Variants in CFH observed in about 807,000 individuals in gnomAD.
CFH encodes complement factor H.
A neutral mutation model predicts 147.3 loss-of-function variants in CFH; 53 were observed. The observed-to-expected ratio is 0.36, with a 90% confidence interval of 0.29 to 0.45. The LOEUF (loss-of-function observed/expected upper bound fraction) is 0.45. Among genes scored for constraint, CFH ranks in the 20% least tolerant of loss-of-function variants. The pLI is 1.00. For synonymous variants in CFH, 536 were observed against 489.4 expected (o/e 1.10, Z -1.26); for missense variants, 1,380 against 1,498.0 (o/e 0.92, Z 1.30).
At chr1:196,697,749 C>T (rs1429849838) in intron 9 of CFH, among the ~76,000 whole-genome samples, 1 of 151,962 alleles carries the variant, frequency 6.6e-6, no homozygotes, top group Non-Finnish European at 1.5e-5. Context: ...AGACTTGGAA[C>T]CAACCCAAAT....
chr1:196,685,013 T>A (rs746122005), intron 6 of CFH, 51 bp from the exon 7 acceptor site: 3 of 1,377,248 alleles, frequency 2.2e-6, no homozygotes, highest in Admixed American at 1.7e-5. Context: ...AAATGATTAA[T>A]TTTAACGGAT....
At chr1:196,721,630 A>G (rs1253188728) in intron 11 of CFH, among the ~76,000 whole-genome samples, 2 of 151,962 alleles carry the variant, frequency 1.3e-5, no homozygotes, top group African/African-American at 4.8e-5. Flanking sequence ...TGTCCCTGCA[A>G]TCTGTCTAGT....
chr1:196,665,935 G>C (rs1165986100), intron 1 of CFH, among the ~76,000 whole-genome samples: 1 of 152,138 alleles, frequency 6.6e-6, no homozygotes, highest in Non-Finnish European at 1.5e-5. Flanking sequence ...AAGCCTGCCA[G>C]AGTGAGTTTC....
At chr1:196,743,386 T>A (rs571158496) in intron 19 of CFH, 66 bp from the exon 20 acceptor site, 1 of 1,587,348 alleles carries the variant, frequency 6.3e-7, no homozygotes, top group Admixed American at 1.7e-5. Context: ...TATTTGTAAC[T>A]GTTATCAGTT....
At chr1:196,688,588 G>C (rs575406207) in intron 7 of CFH, among the ~76,000 whole-genome samples, 1 of 151,952 alleles carries the variant, frequency 6.6e-6, no homozygotes, top group Non-Finnish European at 1.5e-5. Context: ...GCAATAAATA[G>C]GAAAGAGCCT....
At chr1:196,717,212 G>A (rs1224047395) in intron 11 of CFH, among the ~76,000 whole-genome samples, 5 of 152,036 alleles carry the variant, frequency 3.3e-5, no homozygotes, top group Non-Finnish European at 7.4e-5. Context: ...TCCACTGCTT[G>A]CTGGGCATGT....
Position 196,715,685 on chromosome 1 carries a change from G to T in CFH, c.1612G>T (p.Asp538Tyr), listed in dbSNP as rs778051521. 6.2e-7 allele frequency: 1 copy of T among 1,612,906 alleles called. No homozygotes were observed. Among genetic ancestry groups the T allele is most frequent in the Non-Finnish European group, 8.5e-7 (1 of 1,179,234 alleles). The change falls in exon 11 of 22, where the codon GAT (aspartate) becomes TAT (tyrosine). Residue 538 changes from aspartate to tyrosine, a missense_variant. Transcript: ENST00000367429. ...TGACACATTGGACTATGAATGCCAT[G>T]ATGGTTATGAAAGCAATACTGGAAG... ...LNDTLDYECHDGYESNTGSTT... is the reference protein window; with the variant it reads ...LNDTLDYECHYGYESNTGSTT...
intron 9 of CFH, among the ~76,000 whole-genome samples, chr1:196,711,690 T>C (rs1160702116): frequency 6.6e-6 from 1 of 152,100 alleles, no homozygotes; most frequent in Non-Finnish European, 1.5e-5. Flanking sequence ...GCTTCTGATG[T>C]CTCTACTACG....
chr1:196,679,616 T>C lies in CFH; in HGVS notation c.620-7T>C. Reference sequence around the variant, plus strand: ...AAACATTTTGGAATTTAATCCCTTTTATTTAGAAATTTCATGCAAATCCCC... The same window carrying C: ...AAACATTTTGGAATTTAATCCCTTTCATTTAGAAATTTCATGCAAATCCCC... On this transcript the variant is annotated splice_polypyrimidine_tract_variant and splice_region_variant and intron_variant, in intron 5 of 21. Transcript: ENST00000367429. The C allele has an allele frequency of 6.3e-7, 1 of 1,591,284 alleles. No homozygotes were observed. The highest frequency in any genetic ancestry group is 1.3e-5 in the African/African-American group (1 of 74,540).
intron 9 of CFH, among the ~76,000 whole-genome samples, chr1:196,698,765 A>C (rs907494217): frequency 6.6e-6 from 1 of 152,200 alleles, no homozygotes; most frequent in African/African-American, 2.4e-5. Flanking sequence ...TGGCAGAGAC[A>C]CAACAGAAAA....
At chr1:196,654,182 T>C (rs1383621874) in intron 1 of CFH, among the ~76,000 whole-genome samples, 2 of 152,108 alleles carry the variant, frequency 1.3e-5, no homozygotes, top group Non-Finnish European at 2.9e-5. Flanking sequence ...AGAAGATAGT[T>C]TGAATACTAT....
chr1:196,692,812 TTC>T (rs1219479132), intron 9 of CFH, among the ~76,000 whole-genome samples: 18 of 76,014 alleles, frequency 2.4e-4, no homozygotes, highest in East Asian at 5.7e-4. Flanking sequence ...CTTTCTTTCT[TTC>T]TTTCTTTCTC....
chr1:196,738,416 G>T (rs1332205979), intron 17 of CFH, among the ~76,000 whole-genome samples: 1 of 152,144 alleles, frequency 6.6e-6, no homozygotes, highest in African/African-American at 2.4e-5. Flanking sequence ...CTCTGCTTAT[G>T]AGCCTGTAAA....
intron 9 of CFH, among the ~76,000 whole-genome samples, chr1:196,706,646 A>G (rs1399370633): frequency 6.6e-6 from 1 of 152,232 alleles, no homozygotes; most frequent in African/African-American, 2.4e-5. Flanking sequence ...GACAGATATC[A>G]TCAAACACAT....
In CFH at chr1:196,677,608, A is replaced by T; in HGVS notation, c.560A>T (p.Asp187Val). 2 of 1,613,300 alleles carry T rather than the reference A, an allele frequency of 1.2e-6. No individual in the cohort carries two copies. The highest frequency in any genetic ancestry group is 1.7e-6 in the Non-Finnish European group (2 of 1,179,442). ...AACTCAGGCTACAAGATTGAAGGAG[A>T]TGAAGAAATGCATTGTTCAGACGAT... The part of the protein sequence containing the change: ...VCNSGYKIEG[D>V]EEMHCSDDGF... The change falls in exon 5 of 22, where the codon GAT (aspartate) becomes GTT (valine). Residue 187 changes from aspartate to valine, a missense_variant. This residue lies in a region of CFH where 260 missense variants were observed against 263.3 expected (regional missense o/e 0.99). Coordinates refer to ENST00000367429, the MANE Select transcript of CFH (RefSeq NM_000186.4).
intron 1 of CFH, among the ~76,000 whole-genome samples, chr1:196,666,696 C>T (rs188136360): frequency 1.3e-5 from 2 of 150,002 alleles, no homozygotes; most frequent in African/African-American, 4.9e-5. Flanking sequence ...CCTGTAGTTC[C>T]AGCTACTCAG....
At position 196,726,899 on chromosome 1, in the gene CFH, C is replaced by A; in HGVS notation, c.2195C>A (p.Thr732Lys). 6.2e-7 allele frequency: 1 copy of A among 1,613,638 alleles called. No individual in the cohort carries two copies. Among genetic ancestry groups the A allele is most frequent in the Non-Finnish European group, 8.5e-7 (1 of 1,179,682 alleles). The change falls in exon 14 of 22, where the codon ACG becomes AAG. Residue 732 changes from threonine to lysine, a missense_variant. Thr to Lys is a moderately conservative substitution (Grantham distance 78, BLOSUM62 -1). Coordinates refer to ENST00000367429, the MANE Select transcript of CFH (RefSeq NM_000186.4). The stretch of plus-strand genomic sequence containing the variant: ...ACAATGATTGGACACAGATCAATTA[C>A]GTGTATTCATGGAGTATGGACCCAA... ...SFTMIGHRSITCIHGVWTQLP... is the reference protein window; with the variant it reads ...SFTMIGHRSIKCIHGVWTQLP...
chr1:196,714,946 CT>C (rs1470083824), intron 10 of CFH, among the ~76,000 whole-genome samples: 1 of 151,416 alleles, frequency 6.6e-6, no homozygotes, highest in East Asian at 1.9e-4. Context: ...AATGATCCTC[CT>C]GCCTCTCAGT....
At chr1:196,683,726 A>C (rs1310513831) in intron 6 of CFH, among the ~76,000 whole-genome samples, 6 of 151,858 alleles carry the variant, frequency 4.0e-5, no homozygotes, top group African/African-American at 1.4e-4. Flanking sequence ...CTAAAGACTT[A>C]AATCAGTATA....
Sources: allele counts gnomAD v4.1 joint callset (sites outside exome capture counted in the v4.1 genomes callset), GRCh38; gene constraint gnomAD v4.1.1; regional missense constraint gnomAD v4.1.1; transcripts MANE v1.5; gene names NCBI Gene and HGNC (gene_info 2026-07-23, HGNC 2026-07-21).